NOTCH2: variants seen among roughly 807,000 people sequenced by gnomAD.
NOTCH2 encodes the protein notch receptor 2.
A neutral mutation model predicts 235.8 loss-of-function variants in NOTCH2; 29 were observed. The ratio of observed to expected loss-of-function variants is 0.12; its 90% CI spans 0.09 to 0.17. NOTCH2 has a LOEUF of 0.17. Ranked by LOEUF, NOTCH2 falls within the 10% of genes least tolerant of loss-of-function variation. The pLI is 1.00. For synonymous variants in NOTCH2, 1,086 were observed against 1,141.5 expected (o/e 0.95, Z 0.98); for missense variants, 2,285 against 3,150.2 (o/e 0.73, Z 6.57).
rs1358761696 is a variant in NOTCH2 at position 119,998,727 on chromosome 1, A to G, written c.416-1395T>C. ...TATTATACTTTAAGTTCTAGGGTAC[A>G]CGTGCACAACATGCAGGTTTGTTAC... On this transcript the variant is annotated intron_variant, in intron 3 of 33. Coordinates refer to ENST00000256646, the MANE Select transcript of NOTCH2 (RefSeq NM_024408.4). Among the ~76,000 whole-genome samples, 4 of 151,282 alleles carry G rather than the reference A, an allele frequency of 2.6e-5. No homozygotes were observed. The South Asian group carries it at 8.4e-4, about 32-fold the overall frequency.
At chr1:119,951,244 C>T (rs782002753) in intron 14 of NOTCH2, among the ~76,000 whole-genome samples, 20 of 152,230 alleles carry the variant, frequency 1.3e-4, no homozygotes, top group Non-Finnish European at 2.6e-4. Context: ...CTCGACCTCT[C>T]GGGCTCAGCA....
intron 14 of NOTCH2, among the ~76,000 whole-genome samples, chr1:119,952,307 G>A (rs993421001): frequency 3.9e-5 from 6 of 152,148 alleles, no homozygotes; most frequent in African/African-American, 1.4e-4. Flanking sequence ...ATCCGGGGTT[G>A]GGGGGATGAT....
chr1:119,918,017 GAATCTACCCTGTTAC>G (rs761507815), intron 32 of NOTCH2, among the ~76,000 whole-genome samples: 2 of 152,118 alleles, frequency 1.3e-5, no homozygotes, highest in Non-Finnish European at 2.9e-5. Context: ...CTACATGGCA[GAATCTACCCTGTTAC>G]ATACTGAAGA....
At chr1:119,940,976 A>T (rs1210854044) in intron 18 of NOTCH2, among the ~76,000 whole-genome samples, 2 of 152,238 alleles carry the variant, frequency 1.3e-5, no homozygotes, top group African/African-American at 4.8e-5. Context: ...GACTGAGCTT[A>T]CTATAGATAC....
At chr1:119,952,972 C>T (rs1420586365) in intron 14 of NOTCH2, among the ~76,000 whole-genome samples, 1 of 152,190 alleles carries the variant, frequency 6.6e-6, no homozygotes, top group Non-Finnish European at 1.5e-5. Flanking sequence ...TAATTAGACA[C>T]TTGGCCAATG....
chr1:120,033,372 C>A (rs1276076067), intron 1 of NOTCH2, among the ~76,000 whole-genome samples: 1 of 106,170 alleles, frequency 9.4e-6, no homozygotes, highest in Non-Finnish European at 1.8e-5. Flanking sequence ...GATTGCTCCA[C>A]TGCACTCCAG....
intron 9 of NOTCH2, 81 bp downstream of exon 9, chr1:119,966,295 A>G: frequency 1.1e-6 from 1 of 912,814 alleles, no homozygotes; most frequent in South Asian, 1.3e-5. Context: ...CAGCCCACAC[A>G]CATTCTCTCC....
At chr1:119,957,492 T>C (rs931100872) in intron 12 of NOTCH2, among the ~76,000 whole-genome samples, 1 of 152,124 alleles carries the variant, frequency 6.6e-6, no homozygotes, top group Non-Finnish European at 1.5e-5. Flanking sequence ...TAGAATGATA[T>C]GGGAAAAATA....
intron 4 of NOTCH2, chr1:119,995,811 A>ATGGTGCC: frequency 6.6e-6 from 1 of 152,362 alleles, no homozygotes; most frequent in Admixed American, 6.5e-5. Flanking sequence ...TGCCTAGAAC[A>ATGGTGCC]TAGCAGGCAG....
rs200407129 is a variant in NOTCH2 at position 120,064,686 on chromosome 1, A to G, written c.73+4648T>C. ...ACTCAACACCATGTGATTCTCTCAA[A>G]TATTTATTCATCATATTTCATCTTT... is the stretch of plus-strand genomic sequence containing the variant. On this transcript the variant is annotated intron_variant, in intron 1 of 33. Transcript: ENST00000256646. 1.6e-4 allele frequency among the ~76,000 whole-genome samples: 23 copies of G among 140,188 alleles called. 1 individual carries two copies. The highest frequency in any genetic ancestry group is 7.0e-3 in the Middle Eastern group (2 of 286). 92.0% of individuals were successfully genotyped at this position (140,188 alleles called of 152,430 possible).
chr1:119,932,611 C>CTATT (rs1391419092), intron 22 of NOTCH2, among the ~76,000 whole-genome samples: 119 of 90,142 alleles, frequency 1.3e-3, no homozygotes, highest in African/African-American at 7.6e-3. Context: ...AAACAAATAT[C>CTATT]TATCTATCTA....
chr1:119,979,314 C>T (rs1651721307), intron 5 of NOTCH2, among the ~76,000 whole-genome samples: 1 of 152,110 alleles, frequency 6.6e-6, no homozygotes, highest in African/African-American at 2.4e-5. Flanking sequence ...CCTGACAACT[C>T]TACAACAAAT....
intron 1 of NOTCH2, among the ~76,000 whole-genome samples, chr1:120,033,815 TGAA>T (rs1335096849): frequency 6.6e-6 from 1 of 152,220 alleles, no homozygotes; most frequent in Admixed American, 6.5e-5. Context: ...ATATTTGAGA[TGAA>T]GGATACACTA....
In NOTCH2 at chr1:119,937,326, G is replaced by C. The variant is rs1553195850; in HGVS notation, c.3478C>G (p.His1160Asp). 1 of 1,614,046 alleles carries C rather than the reference G, an allele frequency of 6.2e-7. No homozygotes were observed. Among genetic ancestry groups the C allele is most frequent in the South Asian group, 1.1e-5 (1 of 91,074 alleles). ...ATGAAGTCACTGCATGTTGCCCCGT[G>C]CTGGCAGGGGTTGGACGCACACTCA... Reference protein sequence around the residue: ...LDECASNPCQHGATCSDFIGG... With the variant: ...LDECASNPCQDGATCSDFIGG... The change falls in exon 21 of 34, where the codon CAC becomes GAC. Residue 1160 changes from histidine to aspartate, a missense_variant. Transcript: ENST00000256646.
chr1:119,979,273 T>C (rs1404254304), intron 5 of NOTCH2, among the ~76,000 whole-genome samples: 1 of 152,070 alleles, frequency 6.6e-6, no homozygotes, highest in Non-Finnish European at 1.5e-5. Context: ...GAAGAAAGAA[T>C]GAAGACCTAA....
At chr1:120,025,067 C>T (rs1553209678) in intron 2 of NOTCH2, among the ~76,000 whole-genome samples, 3 of 151,638 alleles carry the variant, frequency 2.0e-5, no homozygotes, top group Non-Finnish European at 4.4e-5. Flanking sequence ...AGTGTGCAAG[C>T]AGAAAATGGA....
intron 25 of NOTCH2, 30 bp downstream of exon 25, chr1:119,925,275 C>T (rs755921374): frequency 6.2e-7 from 1 of 1,612,730 alleles, no homozygotes; most frequent in South Asian, 1.1e-5. Flanking sequence ...TGACAGTCCC[C>T]TTCAGTTCTG....
At chr1:119,955,345 T>G (rs975333031) in intron 12 of NOTCH2, 113 bp from the exon 13 acceptor site, 20 of 1,037,348 alleles carry the variant, frequency 1.9e-5, no homozygotes, top group Non-Finnish European at 2.5e-5. Flanking sequence ...TAAGGTGCCT[T>G]GAGGCACCAA....
intron 2 of NOTCH2, among the ~76,000 whole-genome samples, chr1:120,015,164 A>G (rs1405931067): frequency 2.6e-5 from 4 of 152,126 alleles, no homozygotes; most frequent in South Asian, 2.1e-4. Flanking sequence ...AACGAAGGGG[A>G]AAAAAAGTCT....
Sources: gnomAD v4.1 joint callset for allele counts (sites outside exome capture counted in the v4.1 genomes callset) on GRCh38, gnomAD v4.1.1 for gene constraint, MANE v1.5 for transcripts, NCBI Gene and HGNC (gene_info 2026-07-23, HGNC 2026-07-21) for gene names.